Variants in MED13L observed in about 807,000 individuals in gnomAD.
MED13L encodes mediator of RNA polymerase II transcription subunit 13-like.
MED13L carries 7 observed loss-of-function variants against 220.9 expected under a neutral mutation model. The ratio of observed to expected loss-of-function variants is 0.03; its 90% CI spans 0.02 to 0.06. MED13L has a LOEUF of 0.06. Among genes scored for constraint, MED13L ranks in the 10% least tolerant of loss-of-function variants. MED13L has a pLI of 1.00. For missense variants in MED13L, 1,965 were observed against 2,760.5 expected (o/e 0.71, Z 6.46); for synonymous variants, 1,011 against 1,015.2 (o/e 1.00, Z 0.08).
chr12:116,148,512 T>A, intron 2 of MED13L: 1 of 321,992 alleles, frequency 3.1e-6, no homozygotes, highest in Non-Finnish European at 6.9e-6. Context: ...CAGCTAAAGA[T>A]AAAATCACTG....
intron 25 of MED13L, 75 bp from the exon 26 acceptor site, chr12:115,972,311 T>TCTGCC (rs1876641885): frequency 1.9e-6 from 3 of 1,564,444 alleles, no homozygotes; most frequent in Non-Finnish European, 2.6e-6. Flanking sequence ...TTTTAGCAGT[T>TCTGCC]CTGCCCGGTA....
In MED13L at chr12:116,114,213, T is replaced by A. The variant is rs116556893; in HGVS notation, c.311-2701A>T. ...TCATGATATCATCATTTTACAAGTT[T>A]TAATAATGGTGTTACCTTGACCTTG... On this transcript the variant is annotated intron_variant, in intron 2 of 30. Coordinates refer to ENST00000281928, the MANE Select transcript of MED13L (RefSeq NM_015335.5). 8.1e-3 allele frequency among the ~76,000 whole-genome samples: 1,227 copies of A among 152,322 alleles called. 25 individuals carry two copies. Among genetic ancestry groups the A allele is most frequent in the African/African-American group, 0.027 (1,138 of 41,574 alleles).
At chr12:116,156,593 C>G (rs1002373882) in intron 2 of MED13L, among the ~76,000 whole-genome samples, 1 of 152,114 alleles carries the variant, frequency 6.6e-6, no homozygotes, top group Non-Finnish European at 1.5e-5. Flanking sequence ...AAGGTATAAA[C>G]TACTAAGCGA....
chr12:116,086,133 C>T (rs757752110), intron 4 of MED13L, among the ~76,000 whole-genome samples: 1 of 152,070 alleles, frequency 6.6e-6, no homozygotes, highest in Admixed American at 6.6e-5. Context: ...AAAGTATATA[C>T]GAGGGCAGAG....
intron 2 of MED13L, among the ~76,000 whole-genome samples, chr12:116,142,035 C>T (rs976058880): frequency 1.3e-5 from 2 of 152,132 alleles, no homozygotes; most frequent in African/African-American, 4.8e-5. Context: ...CCCTGAAATG[C>T]TCTTCTGACA....
chr12:116,026,185 G>A (rs1400003928), intron 4 of MED13L, among the ~76,000 whole-genome samples: 2 of 152,104 alleles, frequency 1.3e-5, no homozygotes, highest in South Asian at 4.1e-4. Context: ...CGGAAGACTC[G>A]TATATGCAAA....
chr12:116,143,288 G>C (rs893887888), intron 2 of MED13L, among the ~76,000 whole-genome samples: 5 of 151,564 alleles, frequency 3.3e-5, no homozygotes, highest in African/African-American at 9.7e-5. Context: ...GCAGGGCAGG[G>C]GTGAATCATT....
chr12:116,155,764 A>G (rs1416066544), intron 2 of MED13L, among the ~76,000 whole-genome samples: 1 of 152,176 alleles, frequency 6.6e-6, no homozygotes, highest in Non-Finnish European at 1.5e-5. Flanking sequence ...TATATTAACT[A>G]TTCTTTGCTG....
intron 4 of MED13L, among the ~76,000 whole-genome samples, chr12:116,029,791 A>C (rs1339655480): frequency 3.3e-5 from 5 of 152,172 alleles, no homozygotes; most frequent in Non-Finnish European, 7.3e-5. Context: ...AAAATTAATA[A>C]ATATTTTAAC....
intron 1 of MED13L, among the ~76,000 whole-genome samples, chr12:116,239,685 T>C (rs766277909): frequency 1.3e-5 from 2 of 152,246 alleles, no homozygotes; most frequent in Non-Finnish European, 2.9e-5. Flanking sequence ...TTAAAGAGAT[T>C]GCTTGATACT....
At chr12:116,173,131 T>C (rs891180018) in intron 2 of MED13L, among the ~76,000 whole-genome samples, 3 of 148,744 alleles carry the variant, frequency 2.0e-5, no homozygotes, top group African/African-American at 7.4e-5. Context: ...GTCTGCCAAA[T>C]TGGTGATTCT....
chr12:116,250,776 C>CAAAAA (rs772459455), intron 1 of MED13L, among the ~76,000 whole-genome samples: 26 of 76,800 alleles, frequency 3.4e-4, no homozygotes, highest in African/African-American at 1.3e-3. Context: ...GACTCCTCCT[C>CAAAAA]AAAAAAAAAA....
At chr12:115,971,101 T>C (rs1876551809) in intron 26 of MED13L, among the ~76,000 whole-genome samples, 1 of 152,364 alleles carries the variant, frequency 6.6e-6, no homozygotes, top group Non-Finnish European at 1.5e-5. Context: ...TATAAAGTAC[T>C]GTTCTAAACG....
At chr12:116,050,632 G>T (rs1868406461) in intron 4 of MED13L, among the ~76,000 whole-genome samples, 1 of 152,072 alleles carries the variant, frequency 6.6e-6, no homozygotes, top group Non-Finnish European at 1.5e-5. Context: ...TAATTTAAGT[G>T]TATAAGGAAA....
intron 2 of MED13L, among the ~76,000 whole-genome samples, chr12:116,206,935 C>A (rs1330494195): frequency 1.3e-5 from 2 of 152,152 alleles, no homozygotes; most frequent in African/African-American, 4.8e-5. Flanking sequence ...AAGCACCTCA[C>A]TGTGTAACCA....
intron 28 of MED13L, among the ~76,000 whole-genome samples, chr12:115,966,956 G>A (rs971365905): frequency 3.3e-5 from 5 of 152,058 alleles, no homozygotes; most frequent in African/African-American, 1.2e-4. Flanking sequence ...CAGATCACTT[G>A]AGGTCAGAAT....
chr12:116,015,305 A>G, intron 7 of MED13L, 31 bp from the exon 8 acceptor site: 2 of 1,612,312 alleles, frequency 1.2e-6, no homozygotes, highest in Non-Finnish European at 1.7e-6. Flanking sequence ...GAATGTTAGG[A>G]TTTTCTGAAA....
intron 2 of MED13L, among the ~76,000 whole-genome samples, chr12:116,196,572 G>T (rs1448991527): frequency 6.6e-6 from 1 of 152,096 alleles, no homozygotes; most frequent in Non-Finnish European, 1.5e-5. Flanking sequence ...TGAGTAACAG[G>T]ATTTCTTGTT....
chr12:116,004,865 T>C (rs967069357), intron 13 of MED13L, among the ~76,000 whole-genome samples: 1 of 152,232 alleles, frequency 6.6e-6, no homozygotes, highest in African/African-American at 2.4e-5. Context: ...CCTACTTAAC[T>C]TTCAAGCCTT....
Sources: gnomAD v4.1 joint callset for allele counts (sites outside exome capture counted in the v4.1 genomes callset) on GRCh38, gnomAD v4.1.1 for gene constraint, MANE v1.5 for transcripts, NCBI Gene and HGNC (gene_info 2026-07-23, HGNC 2026-07-21) for gene names.